GRID2: variants seen among roughly 807,000 people sequenced by gnomAD.
GRID2 encodes glutamate ionotropic receptor delta type subunit 2.
A neutral mutation model predicts 114.8 loss-of-function variants in GRID2; 33 were observed. That is an observed-to-expected ratio of 0.29 (90% CI 0.22 to 0.38). The LOEUF is 0.38. Among genes scored for constraint, GRID2 ranks in the 10% least tolerant of loss-of-function variants. The pLI, the probability that GRID2 is intolerant of heterozygous loss-of-function variation, is 1.00. For missense variants in GRID2, 1,184 were observed against 1,257.7 expected (o/e 0.94, Z 0.89); for synonymous variants, 505 against 449.9 (o/e 1.12, Z -1.55).
At chr4:92,808,916 C>T (rs1001318797) in intron 2 of GRID2, among the ~76,000 whole-genome samples, 2 of 151,624 alleles carry the variant, frequency 1.3e-5, no homozygotes, top group African/African-American at 2.4e-5. Flanking sequence ...AAGACAGTCA[C>T]TCAAAGGATA....
chr4:93,116,237 C>G (rs1414702121), intron 4 of GRID2, among the ~76,000 whole-genome samples: 1 of 152,074 alleles, frequency 6.6e-6, no homozygotes, highest in Non-Finnish European at 1.5e-5. Context: ...CACTATTTTT[C>G]CACTCTTCTA....
chr4:93,282,361 A>G (rs1160833259), intron 8 of GRID2: 1 of 447,120 alleles, frequency 2.2e-6, no homozygotes, highest in Admixed American at 2.4e-5. Flanking sequence ...AAAATACATA[A>G]CTTTATTTAT....
chr4:93,589,322 G>A (rs931952087), intron 13 of GRID2, among the ~76,000 whole-genome samples: 11 of 150,912 alleles, frequency 7.3e-5, no homozygotes, highest in African/African-American at 2.0e-4. Context: ...TTGTTCTTGC[G>A]ATAGTTTACT....
At chr4:92,998,438 T>G (rs1318848998) in intron 2 of GRID2, among the ~76,000 whole-genome samples, 1 of 152,038 alleles carries the variant, frequency 6.6e-6, no homozygotes. Flanking sequence ...CGAAATTTAA[T>G]TGAGGCTATT....
chr4:92,916,435 G>A (rs994026626), intron 2 of GRID2, among the ~76,000 whole-genome samples: 13 of 152,166 alleles, frequency 8.5e-5, no homozygotes, highest in African/African-American at 1.2e-4. Flanking sequence ...ATGTATACAC[G>A]TGCCATGTTG....
At chr4:92,737,993 C>T (rs1004146633) in intron 2 of GRID2, among the ~76,000 whole-genome samples, 1 of 152,080 alleles carries the variant, frequency 6.6e-6, no homozygotes, top group African/African-American at 2.4e-5. Context: ...TTCATTTTTA[C>T]TCTGATGACA....
chr4:93,455,753 G>A lies in GRID2; in HGVS notation c.1637G>A (p.Gly546Glu), dbSNP rs200446493. ...FTTRYMDYSV[G>E]VLLRRAEKTV... ...ACACGTTACATGGACTACTCAGTGG[G>A]GGTACTACTTCGAAGGGCTGAAAAG... The change falls in exon 11 of 16, where the codon GGG (glycine) becomes GAG (glutamate). Residue 546 changes from glycine (G) to glutamate (E), a missense_variant. Gly to Glu is a moderately conservative substitution (Grantham distance 98). This residue lies in a region of GRID2 where 717 missense variants were observed against 796.9 expected (regional missense o/e 0.90). Transcript: ENST00000282020. 6.2e-7 allele frequency: 1 copy of A among 1,611,224 alleles called. No homozygotes were observed. Among genetic ancestry groups the A allele is most frequent in the Non-Finnish European group, 8.5e-7 (1 of 1,177,422 alleles).
intron 13 of GRID2, among the ~76,000 whole-genome samples, chr4:93,589,592 G>A (rs1387606752): frequency 6.6e-6 from 1 of 151,984 alleles, no homozygotes; most frequent in African/African-American, 2.4e-5. Flanking sequence ...TGGGTCAAAT[G>A]GTATTTCTAG....
chr4:93,043,319 C>T (rs1725783741), intron 2 of GRID2, among the ~76,000 whole-genome samples: 1 of 152,096 alleles, frequency 6.6e-6, no homozygotes, highest in Non-Finnish European at 1.5e-5. Flanking sequence ...ATACCATTAA[C>T]ATATAGAGTA....
At chr4:92,960,833 G>A (rs1010301769) in intron 2 of GRID2, among the ~76,000 whole-genome samples, 7 of 151,370 alleles carry the variant, frequency 4.6e-5, no homozygotes, top group Non-Finnish European at 7.4e-5. Flanking sequence ...TACTCTTTCC[G>A]CATTTTATGA....
In GRID2 at chr4:93,320,221, A is replaced by T. The variant is rs184072671; in HGVS notation, c.1246-75386A>T. 0.04 allele frequency among the ~76,000 whole-genome samples: 6,120 copies of T among 152,114 alleles called. 821 individuals are homozygous for T. The East Asian group carries it at 0.49, about 12-fold the overall frequency. On this transcript the variant is annotated intron_variant, in intron 8 of 15. Coordinates refer to ENST00000282020, the MANE Select transcript of GRID2 (RefSeq NM_001510.4). ...GAAGTAAGTGGAGGATAAGGGGTGGACAGGTAATCATGTCAGCGATGATTA... is the reference window on the plus strand; with the variant it reads ...GAAGTAAGTGGAGGATAAGGGGTGGTCAGGTAATCATGTCAGCGATGATTA...
intron 1 of GRID2, among the ~76,000 whole-genome samples, chr4:92,533,609 C>T (rs1560694036): frequency 6.6e-6 from 1 of 152,036 alleles, no homozygotes; most frequent in Non-Finnish European, 1.5e-5. Context: ...CTGTTCATCC[C>T]CTTTCTTTAT....
At chr4:93,707,148 A>G (rs547363663) in intron 14 of GRID2, among the ~76,000 whole-genome samples, 1 of 152,212 alleles carries the variant, frequency 6.6e-6, no homozygotes, top group African/African-American at 2.4e-5. Context: ...CATCAGGGAT[A>G]TTGGCCAGTA....
intron 14 of GRID2, among the ~76,000 whole-genome samples, chr4:93,735,976 G>A (rs1251025144): frequency 2.0e-5 from 3 of 151,968 alleles, no homozygotes; most frequent in Non-Finnish European, 4.4e-5. Context: ...AGAAAAGAAT[G>A]AGAAAGAGGA....
intron 14 of GRID2, among the ~76,000 whole-genome samples, chr4:93,664,683 C>T (rs752733693): frequency 2.0e-5 from 3 of 152,038 alleles, no homozygotes; most frequent in Non-Finnish European, 2.9e-5. Flanking sequence ...CAATTCTGGA[C>T]GTGGGACGTT....
intron 2 of GRID2, among the ~76,000 whole-genome samples, chr4:92,620,192 CT>C (rs901198537): frequency 2.0e-5 from 3 of 151,550 alleles, no homozygotes; most frequent in Non-Finnish European, 4.4e-5. Context: ...AAATTAATAT[CT>C]TTAGGTAATA....
At chr4:92,611,969 G>T (rs1403561851) in intron 2 of GRID2, among the ~76,000 whole-genome samples, 1 of 151,242 alleles carries the variant, frequency 6.6e-6, no homozygotes, top group African/African-American at 2.4e-5. Flanking sequence ...TCTTAGTGGA[G>T]TATTTTAAAA....
intron 13 of GRID2, among the ~76,000 whole-genome samples, chr4:93,593,550 G>C (rs1247776310): frequency 5.6e-5 from 8 of 143,884 alleles, no homozygotes; most frequent in Middle Eastern, 3.2e-3. Flanking sequence ...TGCTCTTCTC[G>C]AGGAGTATCT....
chr4:92,577,619 G>C (rs973048716), intron 1 of GRID2, among the ~76,000 whole-genome samples: 2 of 152,156 alleles, frequency 1.3e-5, no homozygotes, highest in Non-Finnish European at 1.5e-5. Context: ...AGCAATGTTA[G>C]CTGGTTGTAA....
Sources: allele counts gnomAD v4.1 joint callset (sites outside exome capture counted in the v4.1 genomes callset), GRCh38; gene constraint gnomAD v4.1.1; regional missense constraint gnomAD v4.1.1; transcripts MANE v1.5; gene names NCBI Gene and HGNC (gene_info 2026-07-23, HGNC 2026-07-21).